Variants in SYT9 observed in about 807,000 individuals in gnomAD.
The protein encoded by SYT9 is synaptotagmin-9.
In SYT9, 22 loss-of-function variants were observed where a neutral mutation model predicts 48.4. The observed-to-expected ratio is 0.45, with a 90% CI of 0.32 to 0.65. The LOEUF (loss-of-function observed/expected upper bound fraction) is 0.65. Ranked by LOEUF, SYT9 falls within the 30% of genes least tolerant of loss-of-function variation. The pLI is 0.03. For missense variants in SYT9, 577 were observed against 622.0 expected (o/e 0.93, Z 0.77); for synonymous variants, 265 against 245.0 (o/e 1.08, Z -0.76).
intron 6 of SYT9, among the ~76,000 whole-genome samples, chr11:7,432,150 C>A (rs1390534280): frequency 6.6e-6 from 1 of 152,180 alleles, no homozygotes; most frequent in Non-Finnish European, 1.5e-5. Context: ...GCCAACCCTG[C>A]AAAACCATAG....
chr11:7,441,023 A>G (rs1343694583), intron 6 of SYT9: 2 of 152,272 alleles, frequency 1.3e-5, no homozygotes, highest in Non-Finnish European at 2.9e-5. Flanking sequence ...CCTAGATGTA[A>G]GTGATGGCCA....
intron 6 of SYT9, among the ~76,000 whole-genome samples, chr11:7,434,337 A>G (rs1404672229): frequency 6.6e-6 from 1 of 152,140 alleles, no homozygotes; most frequent in African/African-American, 2.4e-5. Flanking sequence ...CTATGGAGGG[A>G]TAGTGAGTGG....
intron 6 of SYT9, chr11:7,457,817 G>A (rs1044921942): frequency 6.6e-6 from 1 of 152,136 alleles, no homozygotes; most frequent in African/African-American, 2.4e-5. Flanking sequence ...AGGCAGGTTG[G>A]GAAACCCATG....
chr11:7,256,654 T>C (rs976536304), intron 1 of SYT9, among the ~76,000 whole-genome samples: 2 of 152,218 alleles, frequency 1.3e-5, no homozygotes, highest in Admixed American at 1.3e-4. Flanking sequence ...ACTTGTATGA[T>C]GGATTTAATC....
intron 1 of SYT9, among the ~76,000 whole-genome samples, chr11:7,256,943 T>G (rs562537822): frequency 7.2e-5 from 11 of 152,174 alleles, no homozygotes; most frequent in Non-Finnish European, 1.3e-4. Flanking sequence ...TTTTCAACTT[T>G]GGCTGCACAT....
upstream of SYT9, among the ~76,000 whole-genome samples, chr11:7,249,307 A>G (rs1483534625): frequency 2.0e-5 from 3 of 152,082 alleles, no homozygotes; most frequent in Non-Finnish European, 2.9e-5. Context: ...TCAAGTCTAG[A>G]CTCAGCTCAG....
intron 1 of SYT9, among the ~76,000 whole-genome samples, chr11:7,287,743 A>G (rs542634350): frequency 5.0e-4 from 76 of 152,210 alleles, no homozygotes; most frequent in Non-Finnish European, 9.4e-4. Flanking sequence ...ATGACATGAT[A>G]AATAATGATG....
intron 1 of SYT9, among the ~76,000 whole-genome samples, chr11:7,262,622 A>G (rs377279863): frequency 1.3e-5 from 2 of 152,284 alleles, no homozygotes; most frequent in East Asian, 3.9e-4. Flanking sequence ...AGGATGAAGA[A>G]GAAGGTGATC....
At position 7,433,418 on chromosome 11, in the gene SYT9, T is replaced by G. The variant is rs532973701; in HGVS notation, c.1467+12783T>G. ...TTTAAAATATGAACATTCTGAATTT[T>G]TCTTCCTGTTATTAATGCTTAATGA... On this transcript the variant is annotated intron_variant, in intron 6 of 6. Transcript: ENST00000318881. 7.5e-4 allele frequency among the ~76,000 whole-genome samples: 114 copies of G among 152,362 alleles called. 1 individual carries two copies. The highest frequency in any genetic ancestry group is 2.5e-3 in the African/African-American group (105 of 41,584).
chr11:7,261,032 T>A (rs1031313325), intron 1 of SYT9, among the ~76,000 whole-genome samples: 1 of 152,230 alleles, frequency 6.6e-6, no homozygotes, highest in South Asian at 2.1e-4. Context: ...GCCTGCCTAG[T>A]GCCCACCAAG....
chr11:7,387,797 A>T (rs958061048), intron 3 of SYT9, among the ~76,000 whole-genome samples: 8 of 152,124 alleles, frequency 5.3e-5, no homozygotes, highest in African/African-American at 1.4e-4. Context: ...TTATCTCTTT[A>T]TTCTCTTATG....
In SYT9 at chr11:7,407,372, T is replaced by A. The variant is rs1218327575; in HGVS notation, c.1045-8670T>A. 5.9e-3 allele frequency among the ~76,000 whole-genome samples: 360 copies of A among 61,072 alleles called. 27 individuals carry two copies. The highest frequency in any genetic ancestry group is 0.016 in the African/African-American group (83 of 5,156). The allele number at this position is 61,072 out of a possible 152,430, so 40.1% of individuals were successfully genotyped here. A position where few individuals can be genotyped will look rare whatever the true frequency, so the allele number is the denominator to read the frequency against. Reference sequence around the variant, plus strand: ...GTTTAAGTCTATAATTTTTTTTTTTTTTTTTTTTTTTTTTTTTTTGAGACG... The same window carrying A: ...GTTTAAGTCTATAATTTTTTTTTTTATTTTTTTTTTTTTTTTTTTGAGACG... On this transcript the variant is annotated intron_variant, in intron 3 of 6. Coordinates refer to ENST00000318881, the MANE Select transcript of SYT9 (RefSeq NM_175733.4).
At chr11:7,455,140 G>A (rs890916623) in intron 6 of SYT9, among the ~76,000 whole-genome samples, 1 of 151,324 alleles carries the variant, frequency 6.6e-6, no homozygotes, top group African/African-American at 2.4e-5. Context: ...ATAAAAGAAA[G>A]TTTCTTATCT....
chr11:7,339,219 C>T (rs550856369), intron 3 of SYT9, among the ~76,000 whole-genome samples: 86 of 152,202 alleles, frequency 5.7e-4, no homozygotes, highest in African/African-American at 2.0e-3. Context: ...TTTCCTCCAT[C>T]CCTTTATTTT....
In SYT9 at chr11:7,360,425, G is replaced by A. The variant is rs569618452; in HGVS notation, c.1044+46484G>A. ...TAGCTTGATGGGGATGGCATTGAAT[G>A]TATAAATTACCTTGGGCAGTATGGC... On this transcript the variant is annotated intron_variant, in intron 3 of 6. Transcript: ENST00000318881. Among the ~76,000 whole-genome samples, 11 of 152,076 alleles carry A rather than the reference G, an allele frequency of 7.2e-5. No individual in the cohort carries two copies. The East Asian group carries it at 2.1e-3, about 29-fold the overall frequency.
chr11:7,288,193 G>A (rs1254295414), intron 1 of SYT9, among the ~76,000 whole-genome samples: 1 of 151,754 alleles, frequency 6.6e-6, no homozygotes, highest in Non-Finnish European at 1.5e-5. Context: ...TGGAGGGGCA[G>A]TACTCCATAG....
At chr11:7,375,334 T>G (rs1330793558) in intron 3 of SYT9, among the ~76,000 whole-genome samples, 1 of 152,224 alleles carries the variant, frequency 6.6e-6, no homozygotes, top group African/African-American at 2.4e-5. Flanking sequence ...GTGATGTAGT[T>G]TGAAATCAGG....
intron 6 of SYT9, chr11:7,440,375 T>C (rs1276791042): frequency 1.3e-5 from 2 of 152,186 alleles, no homozygotes; most frequent in Admixed American, 1.3e-4. Context: ...GGACCCCCGC[T>C]CACTTAAGTG....
At chr11:7,384,700 T>C (rs1161571073) in intron 3 of SYT9, among the ~76,000 whole-genome samples, 3 of 152,206 alleles carry the variant, frequency 2.0e-5, no homozygotes, top group Admixed American at 2.0e-4. Context: ...TGTGTTGTGC[T>C]ACTTTTCTAC....
Sources: allele counts gnomAD v4.1 joint callset (sites outside exome capture counted in the v4.1 genomes callset), GRCh38; gene constraint gnomAD v4.1.1; transcripts MANE v1.5; gene names NCBI Gene and HGNC (gene_info 2026-07-23, HGNC 2026-07-21).